Variants in DPP10 observed in about 807,000 individuals in gnomAD.
DPP10 encodes the protein inactive dipeptidyl peptidase 10.
A neutral mutation model predicts 120.9 loss-of-function variants in DPP10; 33 were observed. The observed-to-expected ratio is 0.27, with a 90% CI of 0.21 to 0.37. The LOEUF (loss-of-function observed/expected upper bound fraction) is 0.37, where lower values mean the gene tolerates loss of function less well. Among genes scored for constraint, DPP10 ranks in the 10% least tolerant of loss-of-function variants. The pLI, the probability that DPP10 is intolerant of heterozygous loss-of-function variation, is 1.00. For missense variants in DPP10, 816 were observed against 942.8 expected, an observed-to-expected ratio of 0.87 and a Z score of 1.76; for synonymous variants, 337 against 326.1, an observed-to-expected ratio of 1.03 and a Z score of -0.36.
At chr2:115,492,428 GT>G (rs1475088170) in intron 3 of DPP10, among the ~76,000 whole-genome samples, 4 of 152,102 alleles carry the variant, frequency 2.6e-5, no homozygotes, top group African/African-American at 9.7e-5. Flanking sequence ...GTGATTAAGA[GT>G]TTAGGATAGG....
In DPP10 at chr2:114,625,744, A is replaced by C. The variant is rs140607587; in HGVS notation, c.60+182906A>C. 7.1e-3 allele frequency among the ~76,000 whole-genome samples: 1,084 copies of C among 152,110 alleles called. 11 individuals are homozygous for C. Among genetic ancestry groups the C allele is most frequent in the African/African-American group, 0.025 (1,028 of 41,550 alleles). ...GCTCAGATATTTTTCATCTTTGGGC[A>C]GTGAAAGCTAAGTCAGGTAGGCTCT... is the stretch of plus-strand genomic sequence containing the variant. On this transcript the variant is annotated intron_variant, in intron 1 of 25. Coordinates refer to ENST00000410059, the MANE Select transcript of DPP10 (RefSeq NM_020868.6).
chr2:114,587,064 G>A lies in DPP10; in HGVS notation c.60+144226G>A, dbSNP rs528619836. On this transcript the variant is annotated intron_variant, in intron 1 of 25. Coordinates refer to ENST00000410059, the MANE Select transcript of DPP10 (RefSeq NM_020868.6). ...TGTAATCCCAGCACTTTGGGAGGCC[G>A]AGGCGGGCAGATCACGAGGTCAGGA... 1.2e-4 allele frequency among the ~76,000 whole-genome samples: 18 copies of A among 152,140 alleles called. No homozygotes were observed. In the East Asian group the frequency reaches 1.9e-3, roughly 16 times the overall value.
chr2:115,344,521 CTA>C (rs2063616130), intron 3 of DPP10, among the ~76,000 whole-genome samples: 1 of 151,596 alleles, frequency 6.6e-6, no homozygotes, highest in Admixed American at 6.6e-5. Context: ...TAGTGAGACT[CTA>C]TGCAAAATTG....
At chr2:115,056,629 G>T (rs1439979323) in intron 1 of DPP10, among the ~76,000 whole-genome samples, 1 of 152,120 alleles carries the variant, frequency 6.6e-6, no homozygotes, top group Non-Finnish European at 1.5e-5. Flanking sequence ...AAAGTGCTGG[G>T]ATCAGAGGCA....
chr2:114,820,127 C>T (rs1278071191), intron 1 of DPP10, among the ~76,000 whole-genome samples: 4 of 152,108 alleles, frequency 2.6e-5, no homozygotes, highest in African/African-American at 4.8e-5. Flanking sequence ...ACATTTATCC[C>T]GAAGCAAGAA....
At position 114,722,361 on chromosome 2, in the gene DPP10, G is replaced by T. The variant is rs1701750960; in HGVS notation, c.60+279523G>T. 2.0e-5 allele frequency among the ~76,000 whole-genome samples: 3 copies of T among 152,234 alleles called. No individual in the cohort carries two copies. The Middle Eastern group carries it at 0.01, about 521-fold the overall frequency. On this transcript the variant is annotated intron_variant, in intron 1 of 25. Coordinates refer to ENST00000410059, the MANE Select transcript of DPP10 (RefSeq NM_020868.6). ...TCCCAGTTGAGTTTCAGGTAGAGAA[G>T]ATCTGAAGAATAGAGATGGAAAATA...
chr2:114,654,841 A>G (rs1312180362), intron 1 of DPP10, among the ~76,000 whole-genome samples: 1 of 152,144 alleles, frequency 6.6e-6, no homozygotes, highest in Non-Finnish European at 1.5e-5. Context: ...GGAATTGGAT[A>G]AGTCCTTGAA....
chr2:115,646,761 T>G lies in DPP10; in HGVS notation c.442-42926T>G, dbSNP rs565686214. On this transcript the variant is annotated intron_variant, in intron 5 of 25. Transcript: ENST00000410059. ...AAGTTGACAACCCTGAGCCTCAATT[T>G]CCTTCTCTTTAAATTGATGATTTTG... 2.1e-4 allele frequency among the ~76,000 whole-genome samples: 32 copies of G among 152,306 alleles called. No homozygotes were observed. In the South Asian group the frequency reaches 6.4e-3, roughly 31 times the overall value.
At chr2:115,355,454 T>C (rs766581108) in intron 3 of DPP10, among the ~76,000 whole-genome samples, 2 of 152,212 alleles carry the variant, frequency 1.3e-5, no homozygotes, top group African/African-American at 2.4e-5. Context: ...TTCTGGATAT[T>C]AGACCTTTGT....
chr2:114,802,647 T>G (rs1215799729), intron 1 of DPP10, among the ~76,000 whole-genome samples: 3 of 152,076 alleles, frequency 2.0e-5, no homozygotes, highest in African/African-American at 7.2e-5. Flanking sequence ...TCAAGGGAAA[T>G]AAATGAAATG....
chr2:114,584,952 C>T (rs985777149), intron 1 of DPP10, among the ~76,000 whole-genome samples: 7 of 152,166 alleles, frequency 4.6e-5, no homozygotes, highest in African/African-American at 1.7e-4. Context: ...GGTTCAGCAT[C>T]TGGGCTGTGA....
intron 1 of DPP10, among the ~76,000 whole-genome samples, chr2:114,951,278 A>G (rs1697764397): frequency 6.6e-6 from 1 of 152,234 alleles, no homozygotes; most frequent in Admixed American, 6.5e-5. Flanking sequence ...TTGGGTCAGT[A>G]TTTTATATTT....
intron 3 of DPP10, among the ~76,000 whole-genome samples, chr2:115,359,659 C>T (rs2064639900): frequency 6.6e-6 from 1 of 152,040 alleles, no homozygotes; most frequent in Admixed American, 6.6e-5. Context: ...GTGAGTTGAC[C>T]TCTTTCATGA....
intron 5 of DPP10, among the ~76,000 whole-genome samples, chr2:115,659,360 A>G (rs963886948): frequency 2.6e-5 from 4 of 151,790 alleles, no homozygotes; most frequent in African/African-American, 9.7e-5. Flanking sequence ...CTCTCATGTC[A>G]CCTCCCACAA....
At chr2:115,569,976 C>T (rs542858004) in intron 5 of DPP10, among the ~76,000 whole-genome samples, 5 of 152,200 alleles carry the variant, frequency 3.3e-5, no homozygotes, top group African/African-American at 1.2e-4. Flanking sequence ...TTTATATCAT[C>T]AAGTATTGTT....
chr2:114,450,750 C>A (rs111818433), intron 1 of DPP10, among the ~76,000 whole-genome samples: 49 of 150,986 alleles, frequency 3.2e-4, no homozygotes, highest in African/African-American at 1.2e-3. Context: ...AAAGGTTTTG[C>A]ATTATGAGCG....
intron 3 of DPP10, among the ~76,000 whole-genome samples, chr2:115,435,069 TA>T (rs2071368426): frequency 6.6e-6 from 1 of 151,412 alleles, no homozygotes; most frequent in Non-Finnish European, 1.5e-5. Context: ...TATATATATA[TA>T]TATGTATCAC....
At chr2:114,558,315 C>T (rs559211950) in intron 1 of DPP10, among the ~76,000 whole-genome samples, 1 of 152,310 alleles carries the variant, frequency 6.6e-6, no homozygotes, top group African/African-American at 2.4e-5. Context: ...CCCCAGCTTT[C>T]CTCCAACTAA....
intron 1 of DPP10, among the ~76,000 whole-genome samples, chr2:114,498,973 G>C (rs1682917671): frequency 6.6e-6 from 1 of 152,172 alleles, no homozygotes; most frequent in Admixed American, 6.6e-5. Flanking sequence ...CCGCTTTAAA[G>C]AATAAGAAAA....
Sources: allele counts gnomAD v4.1 joint callset (sites outside exome capture counted in the v4.1 genomes callset), GRCh38; gene constraint gnomAD v4.1.1; transcripts MANE v1.5; gene names NCBI Gene and HGNC (gene_info 2026-07-23, HGNC 2026-07-21).